C16orf74: variants seen among roughly 807,000 people sequenced by gnomAD.
C16orf74 encodes the protein calcimembrin.
A neutral mutation model predicts 6.5 loss-of-function variants in C16orf74; 10 were observed. The ratio of observed to expected loss-of-function variants is 1.54; its 90% CI spans 0.95 to 2.61. C16orf74 has a LOEUF of 2.61. Among genes scored for constraint, C16orf74 ranks in the 30% most tolerant of loss-of-function variants. The pLI, the probability that C16orf74 is intolerant of heterozygous loss-of-function variation, is 0.00. For missense variants in C16orf74, 141 were observed against 105.9 expected, an observed-to-expected ratio of 1.33 and a Z score of -1.45; for synonymous variants, 60 against 42.5, an observed-to-expected ratio of 1.41 and a Z score of -1.60.
chr16:85,709,401 T>G (rs1017082299), intron 3 of C16orf74, among the ~76,000 whole-genome samples: 4 of 152,066 alleles, frequency 2.6e-5, no homozygotes, highest in African/African-American at 7.2e-5. Context: ...AAATCTGTAC[T>G]TAACTCTGAA....
intron 2 of C16orf74, among the ~76,000 whole-genome samples, chr16:85,711,588 A>T (rs1192885962): frequency 1.4e-5 from 2 of 145,960 alleles, no homozygotes; most frequent in Non-Finnish European, 3.0e-5. Context: ...GTGCCATTGC[A>T]CTCCAGCCTG....
At position 85,713,810 on chromosome 16, in the gene C16orf74, C is replaced by T. The variant is rs957401352; in HGVS notation, c.29-3503G>A. 3.9e-5 allele frequency among the ~76,000 whole-genome samples: 6 copies of T among 152,154 alleles called. No homozygotes were observed. The East Asian group carries it at 9.7e-4, about 24-fold the overall frequency. On this transcript the variant is annotated intron_variant, in intron 2 of 3. Transcript: ENST00000284245. ...CTCCTGATGATGCTCTGTGCTGTCA[C>T]GCACCATCGTCAGGAGGAGTTGGTG...
At chr16:85,740,179 A>G (rs958908679) in intron 1 of C16orf74, among the ~76,000 whole-genome samples, 1 of 133,122 alleles carries the variant, frequency 7.5e-6, no homozygotes, top group African/African-American at 2.9e-5. Flanking sequence ...CATTGCACCC[A>G]TAGGCTGGGC....
intron 2 of C16orf74, among the ~76,000 whole-genome samples, chr16:85,723,252 T>C (rs1382538685): frequency 1.3e-4 from 11 of 83,016 alleles, no homozygotes; most frequent in South Asian, 4.5e-4. Context: ...AGAGCAAGAC[T>C]CCATCTCAAA....
chr16:85,710,914 T>C (rs1226577254), intron 2 of C16orf74: 1 of 152,334 alleles, frequency 6.6e-6, no homozygotes, highest in Non-Finnish European at 1.5e-5. Context: ...TTTTTACTTC[T>C]GCCTCTCTTT....
chr16:85,729,024 G>A (rs1032601662), intron 2 of C16orf74, among the ~76,000 whole-genome samples: 17 of 152,156 alleles, frequency 1.1e-4, no homozygotes, highest in Admixed American at 5.2e-4. Context: ...AGAAGGTCCC[G>A]GACCCCACTG....
At chr16:85,737,515 TAAG>T (rs1567811106) in intron 1 of C16orf74, among the ~76,000 whole-genome samples, 1 of 152,174 alleles carries the variant, frequency 6.6e-6, no homozygotes, top group East Asian at 1.9e-4. Flanking sequence ...TTGGGCAACA[TAAG>T]AAGACCCTGT....
intron 3 of C16orf74, 80 bp from the exon 4 acceptor site, chr16:85,708,146 C>T: frequency 8.5e-7 from 1 of 1,175,586 alleles, no homozygotes; most frequent in South Asian, 1.3e-5. Flanking sequence ...AACTGCAGGG[C>T]TGGGGCCTCT....
chr16:85,747,187 T>C (rs2054383832), intron 1 of C16orf74, among the ~76,000 whole-genome samples: 1 of 152,116 alleles, frequency 6.6e-6, no homozygotes. Context: ...CCTTTAGGAT[T>C]TGAGCACCTT....
intron 2 of C16orf74, among the ~76,000 whole-genome samples, chr16:85,728,319 GTAAAT>G (rs1385611105): frequency 1.3e-5 from 2 of 152,078 alleles, no homozygotes; most frequent in African/African-American, 4.8e-5. Context: ...CAATTTTTCT[GTAAAT>G]TAAAACTGTC....
intron 1 of C16orf74, chr16:85,744,314 AC>A (rs2152066617): frequency 6.6e-6 from 1 of 152,026 alleles, no homozygotes; most frequent in East Asian, 1.9e-4. Flanking sequence ...AGGCAAGGAT[AC>A]CCTTAGCTTG....
intron 2 of C16orf74, among the ~76,000 whole-genome samples, chr16:85,722,685 C>A (rs1464995687): frequency 6.6e-6 from 1 of 152,190 alleles, no homozygotes; most frequent in Non-Finnish European, 1.5e-5. Context: ...TGGGACCCGG[C>A]CTATGTTGCC....
Position 85,707,767 on chromosome 16 carries a change from T to G in C16orf74, c.*241A>C. Reference sequence around the variant, plus strand: ...GGCGCTCCCTTTCACCAGGCCGGAGTCAGCAAGAACCTGGAGGTGTCAGAG... The same window carrying G: ...GGCGCTCCCTTTCACCAGGCCGGAGGCAGCAAGAACCTGGAGGTGTCAGAG... On this transcript the variant is annotated 3_prime_UTR_variant, in exon 4 of 4. Coordinates refer to ENST00000284245, the MANE Select transcript of C16orf74 (RefSeq NM_206967.3). 1 of 528,028 alleles carries G rather than the reference T, an allele frequency of 1.9e-6. No homozygotes were observed. The highest frequency in any genetic ancestry group is 3.4e-6 in the Non-Finnish European group (1 of 296,300). The allele number at this position is 528,028 out of a possible 1,614,324, so 32.7% of individuals were successfully genotyped here.
rs2053985158 is a variant in C16orf74 at position 85,712,964 on chromosome 16, CA to C, written c.29-2658del. On this transcript the variant is annotated intron_variant, in intron 2 of 3. Coordinates refer to ENST00000284245, the MANE Select transcript of C16orf74 (RefSeq NM_206967.3). ...CCTGCAGCCTGAGCTCCAAAGTGAG[CA>C]ATCAATCAGCCTCCAGAGGAGCCCC... Among the ~76,000 whole-genome samples, 4 of 152,350 alleles carry C rather than the reference CA, an allele frequency of 2.6e-5. No individual in the cohort carries two copies. In the South Asian group the frequency reaches 8.3e-4, roughly 32 times the overall value.
At chr16:85,731,103 T>G (rs16975880) in intron 2 of C16orf74, among the ~76,000 whole-genome samples, 4,760 of 152,310 alleles carry the variant, frequency 0.031, 242 homozygotes, top group African/African-American at 0.11. Flanking sequence ...GTCCTGTCTT[T>G]ATGATTCTTC....
chr16:85,741,644 C>G (rs1179985773), intron 1 of C16orf74: 1 of 170,636 alleles, frequency 5.9e-6, no homozygotes. Flanking sequence ...CATCCTGCTT[C>G]TGCCTCCCTC....
chr16:85,743,646 C>T (rs1397057263), intron 1 of C16orf74: 3 of 152,314 alleles, frequency 2.0e-5, no homozygotes, highest in Admixed American at 1.3e-4. Flanking sequence ...AGGCCGGACG[C>T]AGTGGCTCAA....
At chr16:85,745,023 C>T (rs1467898942) in intron 1 of C16orf74, among the ~76,000 whole-genome samples, 1 of 150,986 alleles carries the variant, frequency 6.6e-6, no homozygotes, top group Admixed American at 6.6e-5. Context: ...CGCCTGTAAT[C>T]CCAGCTACTC....
chr16:85,734,932 G>T (rs1243300651), intron 2 of C16orf74, among the ~76,000 whole-genome samples: 1 of 152,152 alleles, frequency 6.6e-6, no homozygotes, highest in African/African-American at 2.4e-5. Flanking sequence ...CTGGGATTAG[G>T]CACCCTGAGG....
Sources: allele counts gnomAD v4.1 joint callset (sites outside exome capture counted in the v4.1 genomes callset), GRCh38; gene constraint gnomAD v4.1.1; transcripts MANE v1.5; gene names NCBI Gene and HGNC (gene_info 2026-07-23, HGNC 2026-07-21).